Variants in NCOR1 observed in about 807,000 individuals in gnomAD.
NCOR1 encodes protein phosphatase 1, regulatory subunit 109.
In NCOR1, 63 loss-of-function variants were observed where a neutral mutation model predicts 288.1. The ratio of observed to expected loss-of-function variants is 0.22; its 90% confidence interval spans 0.18 to 0.27. The LOEUF is 0.27. Ranked by LOEUF, NCOR1 falls within the 10% of genes least tolerant of loss-of-function variation. The pLI, the probability that NCOR1 is intolerant of heterozygous loss-of-function variation, is 1.00. For synonymous variants in NCOR1, 1,007 were observed against 1,065.9 expected, an observed-to-expected ratio of 0.94 and a Z score of 1.08; for missense variants, 2,397 against 3,019.2, an observed-to-expected ratio of 0.79 and a Z score of 4.83.
chr17:16,181,588 T>C (rs1475807279), intron 3 of NCOR1, among the ~76,000 whole-genome samples: 1 of 152,144 alleles, frequency 6.6e-6, no homozygotes, highest in Non-Finnish European at 1.5e-5. Flanking sequence ...TTTTGCTAAA[T>C]GGGTAGATTT....
At chr17:16,130,635 T>C (rs370117660) in intron 14 of NCOR1, among the ~76,000 whole-genome samples, 5 of 152,146 alleles carry the variant, frequency 3.3e-5, no homozygotes, top group East Asian at 1.9e-4. Context: ...TAAAACAAAA[T>C]GAAAATTCAA....
intron 1 of NCOR1, among the ~76,000 whole-genome samples, chr17:16,208,184 G>A (rs1461453594): frequency 6.8e-6 from 1 of 147,454 alleles, no homozygotes; most frequent in African/African-American, 2.5e-5. Context: ...GGGACTACAG[G>A]CGCGTGCCAC....
At chr17:16,202,749 T>C (rs1005387358) in intron 1 of NCOR1, among the ~76,000 whole-genome samples, 2 of 152,188 alleles carry the variant, frequency 1.3e-5, no homozygotes, top group Admixed American at 1.3e-4. Flanking sequence ...AAAGATCATC[T>C]GCTGCTGCCT....
intron 14 of NCOR1, among the ~76,000 whole-genome samples, chr17:16,130,290 G>A (rs1475130226): frequency 6.6e-6 from 1 of 152,224 alleles, no homozygotes; most frequent in South Asian, 2.1e-4. Context: ...AGAGATGCTT[G>A]GAACTACTTT....
At chr17:16,182,290 A>G (rs1323265673) in intron 3 of NCOR1, among the ~76,000 whole-genome samples, 1 of 152,124 alleles carries the variant, frequency 6.6e-6, no homozygotes, top group African/African-American at 2.4e-5. Context: ...GTAAGATTTT[A>G]CTTTTTGCTT....
intron 42 of NCOR1, 140 bp from the exon 43 acceptor site, chr17:16,040,634 G>T: frequency 1.3e-6 from 1 of 791,774 alleles, no homozygotes; most frequent in Non-Finnish European, 2.0e-6. Flanking sequence ...ATTAAGTGAA[G>T]ATAAAATGGA....
chr17:16,089,533 T>C (rs560139945), intron 22 of NCOR1, among the ~76,000 whole-genome samples: 2 of 152,218 alleles, frequency 1.3e-5, no homozygotes, highest in East Asian at 3.9e-4. Context: ...CCATTCACAT[T>C]AAGAGAAATA....
chr17:16,049,032 C>A, intron 40 of NCOR1, 44 bp from the exon 41 acceptor site: 1 of 1,522,278 alleles, frequency 6.6e-7, no homozygotes. Flanking sequence ...CAAAGGCTAA[C>A]CTGGGACTTA....
At position 16,143,611 on chromosome 17, in the gene NCOR1, GCT is replaced by G. The variant is rs779239987; in HGVS notation, c.1166_1167del (p.Glu389AlafsTer4). On this transcript the variant is annotated frameshift_variant, in exon 11 of 46. Coordinates refer to ENST00000268712, the MANE Select transcript of NCOR1 (RefSeq NM_006311.4). LOFTEE classifies it high-confidence loss of function. ...EISEIIDGLS[E>X]QENNEKQMRQ... ...AATTAAATTTATTTTCTTACCTCCT[GCT>G]CAGAGAGCCCATCAATAATTTCAGA... is the stretch of plus-strand genomic sequence containing the variant. 6.2e-7 allele frequency: 1 copy of G among 1,611,150 alleles called. No homozygotes were observed. Among genetic ancestry groups the G allele is most frequent in the Non-Finnish European group, 8.5e-7 (1 of 1,177,632 alleles).
At chr17:16,141,884 A>T (rs1360647391) in intron 11 of NCOR1, among the ~76,000 whole-genome samples, 1 of 152,210 alleles carries the variant, frequency 6.6e-6, no homozygotes, top group Non-Finnish European at 1.5e-5. Context: ...TCCACTATTT[A>T]TTAATTTGTA....
At position 16,165,167 on chromosome 17, in the gene NCOR1, G is replaced by C. The variant is rs748927292; in HGVS notation, c.436-6C>G. 3.8e-6 allele frequency: 6 copies of C among 1,582,366 alleles called. No individual in the cohort carries two copies. Among genetic ancestry groups the C allele is most frequent in the Non-Finnish European group, 5.1e-6 (6 of 1,172,082 alleles). ...TTGCCTCCGAATGCTGGATCCTTTA[G>C]AGAATAAAACCAAGAAAAACAATTT... On this transcript the variant is annotated splice_polypyrimidine_tract_variant and splice_region_variant and intron_variant, in intron 4 of 45. Coordinates refer to ENST00000268712, the MANE Select transcript of NCOR1 (RefSeq NM_006311.4).
At chr17:16,167,009 T>C (rs1599770135) in intron 4 of NCOR1, among the ~76,000 whole-genome samples, 2 of 152,136 alleles carry the variant, frequency 1.3e-5, no homozygotes, top group African/African-American at 4.8e-5. Context: ...GAAAGATCTT[T>C]GGTGAACCAC....
chr17:16,064,265 T>C (rs1040265830), intron 34 of NCOR1, 78 bp from the exon 35 acceptor site: 1 of 1,516,650 alleles, frequency 6.6e-7, no homozygotes, highest in Non-Finnish European at 8.9e-7. Flanking sequence ...AAATTCTAAG[T>C]GACTGAAAAT....
chr17:16,080,772 T>C, intron 23 of NCOR1, 45 bp from the exon 24 acceptor site: 3 of 1,560,178 alleles, frequency 1.9e-6, no homozygotes, highest in Non-Finnish European at 2.6e-6. Context: ...GCAAACATTG[T>C]TTTTTTCACA....
At chr17:16,141,865 G>A (rs1727911017) in intron 11 of NCOR1, among the ~76,000 whole-genome samples, 1 of 152,160 alleles carries the variant, frequency 6.6e-6, no homozygotes, top group Non-Finnish European at 1.5e-5. Context: ...CCTGGGTTGA[G>A]TATCTGGCTC....
rs1568198727 is a variant in NCOR1, at chr17:16,127,368, TGTATGTATATATGTATGTATATATAC to T, written c.1510-1188_1510-1163del. Among the ~76,000 whole-genome samples, 18 of 105,484 alleles carry T rather than the reference TGTATGTATATATGTATGTATATATAC, an allele frequency of 1.7e-4. 4 individuals are homozygous for T. The highest frequency in any genetic ancestry group is 6.3e-4 in the African/African-American group (16 of 25,394). The allele number at this position is 105,484 out of a possible 152,430, so 69.2% of individuals were successfully genotyped here. On this transcript the variant is annotated intron_variant, in intron 14 of 45. Coordinates refer to ENST00000268712, the MANE Select transcript of NCOR1 (RefSeq NM_006311.4). ...ATGTATATATGTATGTATATATACA[TGTATGTATATATGTATGTATATATAC>T]ATGTGTATATGTGTATGTATATATA... is the stretch of plus-strand genomic sequence containing the variant.
Position 16,196,464 on chromosome 17 carries a change from G to A in NCOR1, c.-70-1825C>T, listed in dbSNP as rs561040716. 2.2e-4 allele frequency among the ~76,000 whole-genome samples: 33 copies of A among 152,224 alleles called. No individual in the cohort carries two copies. In the Middle Eastern group the frequency reaches 0.01, roughly 47 times the overall value. ...ATCAGAGGATCTCCTAAGGCCAGGC[G>A]TTCAAGACCAGTCTGGGCAATGAAG... On this transcript the variant is annotated intron_variant, in intron 1 of 45. Coordinates refer to ENST00000268712, the MANE Select transcript of NCOR1 (RefSeq NM_006311.4).
At chr17:16,130,159 G>A (rs186888336) in intron 14 of NCOR1, among the ~76,000 whole-genome samples, 17 of 152,316 alleles carry the variant, frequency 1.1e-4, no homozygotes, top group Admixed American at 5.9e-4. Context: ...AGTGGTGAGC[G>A]GAGAGGAAGT....
chr17:16,168,171 A>C (rs537581776), intron 4 of NCOR1, among the ~76,000 whole-genome samples: 2 of 152,288 alleles, frequency 1.3e-5, no homozygotes, highest in South Asian at 4.1e-4. Flanking sequence ...ATGTGGTGTC[A>C]GCAAGGATAA....
Sources: allele counts gnomAD v4.1 joint callset (sites outside exome capture counted in the v4.1 genomes callset), GRCh38; gene constraint gnomAD v4.1.1; transcripts MANE v1.5; gene names NCBI Gene and HGNC (gene_info 2026-07-23, HGNC 2026-07-21).